TM2D2: variants seen among roughly 807,000 people sequenced by gnomAD.
TM2D2 encodes TM2 domain-containing protein 2.
In TM2D2, 19 loss-of-function variants were observed where a neutral mutation model predicts 23.0. The ratio of observed to expected loss-of-function variants is 0.82; its 90% CI spans 0.58 to 1.21. TM2D2 has a LOEUF of 1.21. Ranked by LOEUF, TM2D2 falls within the 50% of genes most tolerant of loss-of-function variation. The pLI, the probability that TM2D2 is intolerant of heterozygous loss-of-function variation, is 0.00. For synonymous variants in TM2D2, 120 were observed against 108.8 expected (o/e 1.10, Z -0.64); for missense variants, 246 against 265.4 (o/e 0.93, Z 0.51).
At chr8:38,995,773 GA>G in intron 1 of TM2D2, 1 of 1,253,754 alleles carries the variant, frequency 8.0e-7, no homozygotes, top group Non-Finnish European at 1.0e-6. Context: ...ATCAAAAAGA[GA>G]TGTTAAAAAA....
At chr8:38,991,607 T>G (rs899530293) in intron 3 of TM2D2, 62 bp from the exon 4 acceptor site, 2 of 1,274,098 alleles carry the variant, frequency 1.6e-6, no homozygotes, top group Admixed American at 3.8e-5. Context: ...CCTTAAGGAT[T>G]AGTGAATTTA....
intron 2 of TM2D2, among the ~76,000 whole-genome samples, chr8:38,994,919 A>G (rs965564728): frequency 1.3e-5 from 2 of 152,248 alleles, no homozygotes; most frequent in African/African-American, 4.8e-5. Context: ...ATTGGCAAGA[A>G]AAGCTCTGCC....
At chr8:38,995,430 A>T in intron 1 of TM2D2, 25 bp from the exon 2 acceptor site, 4 of 1,612,112 alleles carry the variant, frequency 2.5e-6, no homozygotes, top group Non-Finnish European at 3.4e-6. Context: ...TAAGATCATG[A>T]TCATCATCAT....
upstream of TM2D2, chr8:38,996,971 C>T (rs1241109564): frequency 1.3e-6 from 2 of 1,517,344 alleles, no homozygotes; most frequent in African/African-American, 1.4e-5. Context: ...CGCTTCCCGG[C>T]CAGACTTGGG....
At chr8:38,996,836 C>T (rs1835821331), upstream of TM2D2, 9 of 1,442,126 alleles carry the variant, frequency 6.2e-6, no homozygotes, top group East Asian at 2.5e-5. Context: ...ATTCTCGCGC[C>T]GGGGACTGGA....
chr8:38,995,592 A>C (rs1835745775), intron 1 of TM2D2, 187 bp from the exon 2 acceptor site: 1 of 1,479,272 alleles, frequency 6.8e-7, no homozygotes, highest in African/African-American at 1.5e-5. Context: ...CAGCCACCAA[A>C]ATGAACCTTT....
In TM2D2 at chr8:38,996,200, ACTGGTAG is replaced by A; in HGVS notation, c.227+6_227+12del. 6.2e-7 allele frequency: 1 copy of A among 1,606,834 alleles called. No homozygotes were observed. Among genetic ancestry groups the A allele is most frequent in the Non-Finnish European group, 8.5e-7 (1 of 1,174,520 alleles). On this transcript the variant is annotated splice_donor_region_variant and intron_variant, in intron 1 of 3. Transcript: ENST00000456397. ...CCCTCCACGTCCACCCGCCTCGACC[ACTGGTAG>A]CTTACAGGTAAGAGCAGAGGATGAC...
chr8:38,995,847 G>A (rs1835758856), intron 1 of TM2D2: 3 of 1,151,104 alleles, frequency 2.6e-6, no homozygotes, highest in South Asian at 2.4e-5. Flanking sequence ...TGTAGGCAGA[G>A]ACAAGTCATT....
At chr8:38,993,409 T>C (rs1225500992) in intron 3 of TM2D2, 136 bp downstream of exon 3, 1 of 546,102 alleles carries the variant, frequency 1.8e-6, no homozygotes, top group Non-Finnish European at 3.1e-6. Context: ...TAAGCCATGA[T>C]TGCACCACTG....
intron 3 of TM2D2, among the ~76,000 whole-genome samples, chr8:38,992,012 C>A (rs1303174192): frequency 6.6e-6 from 1 of 151,972 alleles, no homozygotes; most frequent in Non-Finnish European, 1.5e-5. Flanking sequence ...GGTGTACAGG[C>A]CAGAAACAGA....
chr8:38,996,145 T>C, intron 1 of TM2D2, 68 bp downstream of exon 1: 2 of 1,531,536 alleles, frequency 1.3e-6, no homozygotes, highest in Non-Finnish European at 8.8e-7. Flanking sequence ...CAACCCTGCC[T>C]TCCCTTAACA....
At chr8:38,996,807 C>T, upstream of TM2D2, 3 of 1,432,124 alleles carry the variant, frequency 2.1e-6, no homozygotes, top group Non-Finnish European at 2.7e-6. Flanking sequence ...CTGGTTGCCA[C>T]CGCCGGTTTA....
At position 38,996,187 on chromosome 8, in the gene TM2D2, A is replaced by G. The variant is rs969548342; in HGVS notation, c.227+26T>C. 4 of 1,602,148 alleles carry G rather than the reference A, an allele frequency of 2.5e-6. No homozygotes were observed. In the African/African-American group the frequency reaches 4.0e-5, roughly 16 times the overall value. On this transcript the variant is annotated intron_variant, in intron 1 of 3. Coordinates refer to ENST00000456397, the MANE Select transcript of TM2D2 (RefSeq NM_078473.3). ...TATTCCTGGCACACCCTCCACGTCC[A>G]CCCGCCTCGACCACTGGTAGCTTAC...
chr8:38,996,183 G>C lies in TM2D2; in HGVS notation c.227+30C>G. The C allele has an allele frequency of 1.9e-6, 3 of 1,600,538 alleles. No homozygotes were observed. The African/African-American group carries it at 4.0e-5, about 21-fold the overall frequency. On this transcript the variant is annotated intron_variant, in intron 1 of 3. Coordinates refer to ENST00000456397, the MANE Select transcript of TM2D2 (RefSeq NM_078473.3). ...CATATATTCCTGGCACACCCTCCACGTCCACCCGCCTCGACCACTGGTAGC... is the reference window on the plus strand; with the variant it reads ...CATATATTCCTGGCACACCCTCCACCTCCACCCGCCTCGACCACTGGTAGC...
upstream of TM2D2, chr8:38,996,513 T>A (rs911969004): frequency 6.3e-7 from 1 of 1,579,448 alleles, no homozygotes; most frequent in South Asian, 1.1e-5. Context: ...AAGAACTGCG[T>A]GGTCAGGCCT....
At position 38,989,883 on chromosome 8, in the gene TM2D2, A is replaced by G. The variant is rs1195041233; in HGVS notation, c.*1449T>C. The G allele has an allele frequency of 6.6e-6, 1 of 152,164 alleles. No homozygotes were observed. Among genetic ancestry groups the G allele is most frequent in the Non-Finnish European group, 1.5e-5 (1 of 68,030 alleles). The allele number at this position is 152,164 out of a possible 1,614,324, so 9.4% of individuals were successfully genotyped here. A position where few individuals can be genotyped will look rare whatever the true frequency, so the allele number is the denominator to read the frequency against. On this transcript the variant is annotated 3_prime_UTR_variant, in exon 4 of 4. Transcript: ENST00000456397. ...TTTATTTCATGCATAAATTGTGTAG[A>G]TGAACCCAAGTTCTATGTAAATTCT...
At chr8:38,995,757 T>C (rs1316709064) in intron 1 of TM2D2, 1 of 1,262,294 alleles carries the variant, frequency 7.9e-7, no homozygotes, top group Non-Finnish European at 1.0e-6. Flanking sequence ...TGCCTTTTCT[T>C]GTTTGATCAA....
rs1835531730 is a variant in TM2D2, at chr8:38,989,169, A to C, written c.*2163T>G. On this transcript the variant is annotated 3_prime_UTR_variant, in exon 4 of 4. Coordinates refer to ENST00000456397, the MANE Select transcript of TM2D2 (RefSeq NM_078473.3). ...CTGATGATTCTCAAATTACCACTCT[A>C]GCAGCGAGAACAACTTCTTTTGTCT... The C allele has an allele frequency of 6.6e-6, 1 of 152,246 alleles. No homozygotes were observed. The highest frequency in any genetic ancestry group is 2.4e-5 in the African/African-American group (1 of 41,456). The allele number at this position is 152,246 out of a possible 1,614,324, so 9.4% of individuals were successfully genotyped here. A position where few individuals can be genotyped will look rare whatever the true frequency, so the allele number is the denominator to read the frequency against.
In TM2D2 at chr8:38,995,472, G is replaced by A. The variant is rs201354496; in HGVS notation, c.228-67C>T. ...TTTGCAAATCGCTGTTTGCATGCAC[G>A]TAATCAAAACGGGCAAAAGACATTT... On this transcript the variant is annotated intron_variant, in intron 1 of 3. Transcript: ENST00000456397. 17 of 1,594,692 alleles carry A rather than the reference G, an allele frequency of 1.1e-5. No individual in the cohort carries two copies. In the African/African-American group the frequency reaches 1.1e-4, roughly 10 times the overall value.
Sources: allele counts gnomAD v4.1 joint callset (sites outside exome capture counted in the v4.1 genomes callset), GRCh38; gene constraint gnomAD v4.1.1; transcripts MANE v1.5; gene names NCBI Gene and HGNC (gene_info 2026-07-23, HGNC 2026-07-21).